DOCK9: variants seen among roughly 807,000 people sequenced by gnomAD.
DOCK9 encodes the protein dedicator of cytokinesis protein 9.
Under a neutral mutation model 263.3 loss-of-function variants are expected in DOCK9, and 89 were observed. That is an observed-to-expected ratio of 0.34 (90% CI 0.28 to 0.40). The LOEUF (loss-of-function observed/expected upper bound fraction) is 0.40, where lower values mean the gene tolerates loss of function less well. Ranked by LOEUF, DOCK9 falls within the 10% of genes least tolerant of loss-of-function variation. DOCK9 has a pLI of 1.00. For missense variants in DOCK9, 2,140 were observed against 2,603.4 expected (o/e 0.82, Z 3.87); for synonymous variants, 976 against 973.1 (o/e 1.00, Z -0.06).
At chr13:99,050,552 ACGTGGTGG>A (rs1252028077) in intron 1 of DOCK9, among the ~76,000 whole-genome samples, 1 of 151,980 alleles carries the variant, frequency 6.6e-6, no homozygotes, top group African/African-American at 2.4e-5. Context: ...AATTAGCCAG[ACGTGGTGG>A]CGGGCGCCTG....
intron 1 of DOCK9, among the ~76,000 whole-genome samples, chr13:99,075,889 A>AT (rs34679685): frequency 0.089 from 13,471 of 152,138 alleles, 720 homozygotes; most frequent in African/African-American, 0.15. Context: ...CTGCTTTCAG[A>AT]TTCACTTTCA....
chr13:98,924,495 A>G (rs1214548171), intron 4 of DOCK9, among the ~76,000 whole-genome samples: 1 of 152,242 alleles, frequency 6.6e-6, no homozygotes, highest in Non-Finnish European at 1.5e-5. Context: ...TCAATTTGCC[A>G]ACTGCTATGG....
chr13:99,001,280 C>T (rs1051000192), intron 1 of DOCK9, among the ~76,000 whole-genome samples: 9 of 152,268 alleles, frequency 5.9e-5, no homozygotes, highest in Non-Finnish European at 1.3e-4. Flanking sequence ...AAATTTTGTT[C>T]TCAGTGAGGG....
intron 2 of DOCK9, among the ~76,000 whole-genome samples, chr13:98,954,863 T>TACACACACACACACAC (rs71719426): frequency 0.018 from 2,602 of 146,512 alleles, 43 homozygotes; most frequent in East Asian, 0.075. Flanking sequence ...TTATTCAAGA[T>TACACACACACACACAC]ACACACACAC....
rs2056988683 is a variant in DOCK9, at chr13:98,948,396, C to T, written c.243+7039G>A. ...TGCTAAGACATTTATATAGGTAATA[C>T]ACCATGAATATCAGTGGGAAAAGCA... is the stretch of plus-strand genomic sequence containing the variant. On this transcript the variant is annotated intron_variant, in intron 2 of 52. Transcript: ENST00000682017. Among the ~76,000 whole-genome samples the T allele has an allele frequency of 2.0e-5, 3 of 152,150 alleles. No individual in the cohort carries two copies. In the South Asian group the frequency reaches 6.2e-4, roughly 31 times the overall value.
At chr13:98,930,593 ACTTGT>A (rs1279558057) in intron 2 of DOCK9, among the ~76,000 whole-genome samples, 2 of 152,142 alleles carry the variant, frequency 1.3e-5, no homozygotes, top group African/African-American at 2.4e-5. Flanking sequence ...ACAGCATCTT[ACTTGT>A]CTTAACTGCC....
intron 22 of DOCK9, among the ~76,000 whole-genome samples, 167 bp downstream of exon 22, chr13:98,883,646 T>C (rs1193473726): frequency 6.6e-6 from 1 of 152,240 alleles, no homozygotes; most frequent in Non-Finnish European, 1.5e-5. Context: ...GTACTAGTCA[T>C]TTATATGAAT....
intron 1 of DOCK9, among the ~76,000 whole-genome samples, chr13:99,024,231 G>A (rs898736328): frequency 1.2e-4 from 18 of 152,204 alleles, no homozygotes; most frequent in African/African-American, 4.3e-4. Flanking sequence ...AGGATCACAT[G>A]AGCGCAGGAA....
chr13:98,817,966 CTTCTT>C (rs2092007798), intron 45 of DOCK9, among the ~76,000 whole-genome samples: 1 of 152,098 alleles, frequency 6.6e-6, no homozygotes, highest in Non-Finnish European at 1.5e-5. Flanking sequence ...ATTATTTCGT[CTTCTT>C]TTCTGACTCA....
chr13:98,899,899 T>G (rs2048016840), intron 13 of DOCK9, among the ~76,000 whole-genome samples: 1 of 152,190 alleles, frequency 6.6e-6, no homozygotes, highest in Admixed American at 6.5e-5. Context: ...TTTTAAAACC[T>G]CTATTCACAG....
At chr13:98,795,467 G>C (rs1013207259) in intron 52 of DOCK9, among the ~76,000 whole-genome samples, 3 of 152,326 alleles carry the variant, frequency 2.0e-5, no homozygotes, top group Non-Finnish European at 4.4e-5. Flanking sequence ...GTTCACGGGG[G>C]CTCAGTCTTC....
intron 1 of DOCK9, among the ~76,000 whole-genome samples, chr13:98,998,824 TC>T (rs1333470365): frequency 4.6e-5 from 7 of 152,166 alleles, no homozygotes; most frequent in Non-Finnish European, 8.8e-5. Context: ...CTTCCAGATT[TC>T]CCTGTGGGTC....
At chr13:98,833,204 C>CA (rs59694440) in intron 39 of DOCK9, 36 of 97,414 alleles carry the variant, frequency 3.7e-4, no homozygotes, top group African/African-American at 1.1e-3. Flanking sequence ...AATTCTCAAC[C>CA]AAAAAAAAAA....
At chr13:98,870,585 G>A (rs2094159233) in intron 27 of DOCK9, among the ~76,000 whole-genome samples, 1 of 152,188 alleles carries the variant, frequency 6.6e-6, no homozygotes, top group Non-Finnish European at 1.5e-5. Context: ...AGGAAAAGTA[G>A]ATGGAGAACT....
At chr13:99,021,638 C>CAA (rs61660903) in intron 1 of DOCK9, among the ~76,000 whole-genome samples, 23 of 101,494 alleles carry the variant, frequency 2.3e-4, no homozygotes, top group Non-Finnish European at 3.4e-4. Flanking sequence ...GACTCTGTCT[C>CAA]AAAAAAAAAA....
At chr13:98,871,280 TG>T (rs1308083856) in intron 27 of DOCK9, among the ~76,000 whole-genome samples, 1 of 152,088 alleles carries the variant, frequency 6.6e-6, no homozygotes, top group African/African-American at 2.4e-5. Context: ...CATTGACAAG[TG>T]GGGAGGCTAA....
At chr13:98,944,339 C>G (rs2056402143) in intron 2 of DOCK9, among the ~76,000 whole-genome samples, 1 of 116,462 alleles carries the variant, frequency 8.6e-6, no homozygotes, top group African/African-American at 3.3e-5. Flanking sequence ...TTTTCCTGAG[C>G]ACAATATGGA....
intron 1 of DOCK9, among the ~76,000 whole-genome samples, chr13:98,983,785 T>G (rs1877812706): frequency 6.6e-6 from 1 of 151,750 alleles, no homozygotes; most frequent in Non-Finnish European, 1.5e-5. Flanking sequence ...GGTGGGTAAT[T>G]TTTGTATTTT....
intron 12 of DOCK9, 145 bp from the exon 13 acceptor site, chr13:98,902,045 A>T: frequency 8.9e-7 from 1 of 1,121,688 alleles, no homozygotes; most frequent in Non-Finnish European, 1.2e-6. Flanking sequence ...CAAACAGTTC[A>T]TCATCTGCTC....
Sources: allele counts gnomAD v4.1 joint callset (sites outside exome capture counted in the v4.1 genomes callset), GRCh38; gene constraint gnomAD v4.1.1; transcripts MANE v1.5; gene names NCBI Gene and HGNC (gene_info 2026-07-23, HGNC 2026-07-21).